METTL15: variants seen among roughly 807,000 people sequenced by gnomAD.
METTL15 encodes the protein methyltransferase 15, mitochondrial 12S rRNA N4-cytidine.
Under a neutral mutation model 38.3 loss-of-function variants are expected in METTL15, and 34 were observed. The observed-to-expected ratio is 0.89, with a 90% CI of 0.68 to 1.18. METTL15 has a LOEUF of 1.18. Ranked by LOEUF, METTL15 falls within the 50% of genes most tolerant of loss-of-function variation. METTL15 has a pLI of 0.00. For synonymous variants in METTL15, 162 were observed against 170.9 expected, an observed-to-expected ratio of 0.95 and a Z score of 0.41; for missense variants, 438 against 498.4, an observed-to-expected ratio of 0.88 and a Z score of 1.15.
intron 6 of METTL15, among the ~76,000 whole-genome samples, chr11:28,326,931 G>A (rs1269188648): frequency 1.3e-5 from 2 of 151,776 alleles, no homozygotes; most frequent in African/African-American, 2.4e-5. Context: ...ATGAGCCATC[G>A]TGCCCAGCAT....
intron 3 of METTL15, among the ~76,000 whole-genome samples, chr11:28,201,439 T>G (rs1392292274): frequency 6.6e-6 from 1 of 152,160 alleles, no homozygotes; most frequent in East Asian, 1.9e-4. Flanking sequence ...TTGTTTATAA[T>G]AGTTTCAGAA....
chr11:28,205,038 G>A (rs1429402552), intron 3 of METTL15, among the ~76,000 whole-genome samples: 1 of 151,822 alleles, frequency 6.6e-6, no homozygotes, highest in East Asian at 1.9e-4. Context: ...AGATTTATTT[G>A]TTCCTGTGCA....
intron 4 of METTL15, among the ~76,000 whole-genome samples, chr11:28,230,883 A>AC (rs1354026201): frequency 6.6e-6 from 1 of 151,898 alleles, no homozygotes; most frequent in African/African-American, 2.4e-5. Context: ...ATGGGGAAAT[A>AC]GACTTGGCAT....
chr11:28,333,334 T>C lies in METTL15; in HGVS notation c.*2493T>C, dbSNP rs954270174. The C allele has an allele frequency of 5.9e-5, 9 of 152,236 alleles. No individual in the cohort carries two copies. The highest frequency in any genetic ancestry group is 5.9e-4 in the Admixed American group (9 of 15,278). 9.4% of individuals were successfully genotyped at this position (152,236 alleles called of 1,614,324 possible). A position where few individuals can be genotyped will look rare whatever the true frequency, so the allele number is the denominator to read the frequency against. ...TCTGTAATTAGATTGTGTTTTATAG[T>C]AATTCTTGCCTGCTTCTTAGTCTTT... On this transcript the variant is annotated 3_prime_UTR_variant, in exon 7 of 7. Transcript: ENST00000407364.
chr11:28,456,505 G>C (rs1221527230), intron 6 of METTL15, among the ~76,000 whole-genome samples: 1 of 151,220 alleles, frequency 6.6e-6, no homozygotes, highest in Admixed American at 6.6e-5. Flanking sequence ...GCAGTGGCGC[G>C]ATCTCAGCTC....
chr11:28,385,656 A>G (rs952463363), intron 5 of METTL15, among the ~76,000 whole-genome samples: 2 of 152,148 alleles, frequency 1.3e-5, no homozygotes, highest in Non-Finnish European at 2.9e-5. Flanking sequence ...TGTGAATTTT[A>G]AAATAGTTGT....
At chr11:28,365,106 C>A (rs1359773522) in intron 5 of METTL15, among the ~76,000 whole-genome samples, 1 of 152,060 alleles carries the variant, frequency 6.6e-6, no homozygotes, top group African/African-American at 2.4e-5. Context: ...TTTTATATAT[C>A]TATTTTCATC....
At chr11:28,221,589 G>A (rs1853224955) in intron 4 of METTL15, among the ~76,000 whole-genome samples, 1 of 151,612 alleles carries the variant, frequency 6.6e-6, no homozygotes, top group Non-Finnish European at 1.5e-5. Flanking sequence ...TTTTCCGTTG[G>A]TGGTGAGGAG....
Position 28,211,199 on chromosome 11 carries a change from G to T in METTL15, c.407+1G>T. ...CTGAACATCTTTCAGAGTTGTATCC[G>T]TAAGTAATACCCTTGCATATTTATT... is the stretch of plus-strand genomic sequence containing the variant. On this transcript the variant is annotated splice_donor_variant, in intron 4 of 6. Coordinates refer to ENST00000407364, the MANE Select transcript of METTL15 (RefSeq NM_001113528.2). LOFTEE classifies it high-confidence loss of function. 1.2e-6 allele frequency: 2 copies of T among 1,606,134 alleles called. No homozygotes were observed. The highest frequency in any genetic ancestry group is 1.7e-6 in the Non-Finnish European group (2 of 1,176,810).
At chr11:28,456,530 C>T (rs1851170754) in intron 6 of METTL15, among the ~76,000 whole-genome samples, 1 of 151,408 alleles carries the variant, frequency 6.6e-6, no homozygotes, top group Non-Finnish European at 1.5e-5. Context: ...TAACCTCCTC[C>T]TCCTGGCTTC....
At chr11:28,517,182 A>C (rs1851726479) in intron 6 of METTL15, 1 of 152,208 alleles carries the variant, frequency 6.6e-6, no homozygotes, top group Non-Finnish European at 1.5e-5. Flanking sequence ...GCCATGAAAC[A>C]AAGAAGCCAA....
intron 6 of METTL15, among the ~76,000 whole-genome samples, chr11:28,430,013 C>T (rs1203382351): frequency 9.2e-5 from 13 of 141,038 alleles, no homozygotes; most frequent in African/African-American, 3.4e-4. Flanking sequence ...CCCGCCGCCC[C>T]ATCTGGGATG....
intron 4 of METTL15, among the ~76,000 whole-genome samples, chr11:28,216,130 T>G (rs868428664): frequency 6.6e-6 from 1 of 152,122 alleles, no homozygotes; most frequent in South Asian, 2.1e-4. Flanking sequence ...ACTTTGTTTT[T>G]TAGATTTGGA....
chr11:28,324,767 C>T lies in METTL15; in HGVS notation c.779-5629C>T, dbSNP rs558937487. On this transcript the variant is annotated intron_variant, in intron 6 of 6. Coordinates refer to ENST00000407364, the MANE Select transcript of METTL15 (RefSeq NM_001113528.2). The stretch of plus-strand genomic sequence containing the variant: ...GAATATTGTGCTCTTTATAGACCCA[C>T]GCTGTCAGGTTCATGATTACAACAA... Among the ~76,000 whole-genome samples, 6 of 152,290 alleles carry T rather than the reference C, an allele frequency of 3.9e-5. No homozygotes were observed. In the East Asian group the frequency reaches 7.7e-4, roughly 20 times the overall value.
At chr11:28,168,093 CT>C (rs1850717895) in intron 3 of METTL15, among the ~76,000 whole-genome samples, 1 of 151,838 alleles carries the variant, frequency 6.6e-6, no homozygotes. Context: ...CAGTTTTTTA[CT>C]TTCTTTTTCT....
intron 4 of METTL15, among the ~76,000 whole-genome samples, chr11:28,353,202 T>C (rs557053483): frequency 6.6e-6 from 1 of 152,282 alleles, no homozygotes; most frequent in Admixed American, 6.5e-5. Context: ...AAGGGGGTGA[T>C]GACCAACTGG....
intron 4 of METTL15, among the ~76,000 whole-genome samples, chr11:28,246,923 ATTTAG>A (rs948518211): frequency 7.9e-5 from 12 of 152,162 alleles, no homozygotes; most frequent in African/African-American, 2.9e-4. Context: ...ACAATACTTG[ATTTAG>A]TTATTGGAAA....
At chr11:28,147,904 G>A (rs1170912351) in intron 3 of METTL15, among the ~76,000 whole-genome samples, 1 of 151,748 alleles carries the variant, frequency 6.6e-6, no homozygotes, top group African/African-American at 2.4e-5. Flanking sequence ...TGTGCCTGAG[G>A]AGTTTAATGC....
At chr11:28,378,527 G>A (rs375167401) in intron 5 of METTL15, among the ~76,000 whole-genome samples, 40 of 152,252 alleles carry the variant, frequency 2.6e-4, no homozygotes, top group African/African-American at 8.2e-4. Context: ...TGCACGGTGC[G>A]TGCACCCACT....
Sources: allele counts gnomAD v4.1 joint callset (sites outside exome capture counted in the v4.1 genomes callset), GRCh38; gene constraint gnomAD v4.1.1; transcripts MANE v1.5; gene names NCBI Gene and HGNC (gene_info 2026-07-23, HGNC 2026-07-21).